The following TOP6BL variants were observed in gnomAD, a reference collection of about 807,000 sequenced individuals.
The protein encoded by TOP6BL is TOP6B like initiator of meiotic double strand breaks.
the TOP6BL span, among the ~76,000 whole-genome samples, chr11:66,769,782 C>T: frequency 6.6e-6 from 1 of 151,406 alleles, no homozygotes; most frequent in Non-Finnish European, 1.5e-5. Flanking sequence ...ACTCTGTCGC[C>T]CAGGCTGGAG....
At chr11:66,821,385 T>C in the TOP6BL span, among the ~76,000 whole-genome samples, 3 of 151,720 alleles carry the variant, frequency 2.0e-5, no homozygotes, top group Non-Finnish European at 4.4e-5. Flanking sequence ...CCTCCCGGGT[T>C]CACGCCATTC....
At chr11:66,744,821 G>GCGGCGA in the TOP6BL span, 2 of 1,064,532 alleles carry the variant, frequency 1.9e-6, no homozygotes, top group Admixed American at 3.6e-5. Flanking sequence ...TGAGGAGGGG[G>GCGGCGA]CGGCGGCGGC....
the TOP6BL span, among the ~76,000 whole-genome samples, chr11:66,751,632 C>T: frequency 6.6e-6 from 1 of 151,918 alleles, no homozygotes; most frequent in Non-Finnish European, 1.5e-5. Flanking sequence ...CCATTGTGCT[C>T]AGCCCTAAAT....
the TOP6BL span, among the ~76,000 whole-genome samples, chr11:66,840,976 C>T: frequency 6.6e-6 from 1 of 152,174 alleles, no homozygotes; most frequent in Non-Finnish European, 1.5e-5. Flanking sequence ...TTCATTTGCT[C>T]ACTAGGCAGC....
At chr11:66,797,242 C>T in the TOP6BL span, among the ~76,000 whole-genome samples, 4 of 151,778 alleles carry the variant, frequency 2.6e-5, no homozygotes, top group African/African-American at 9.7e-5. Context: ...TCAGGTGATC[C>T]ACACACCTCA....
At chr11:66,745,064 G>A in the TOP6BL span, 1 of 850,574 alleles carries the variant, frequency 1.2e-6, no homozygotes, top group Non-Finnish European at 1.6e-6. Flanking sequence ...CTCCCACGGG[G>A]AAGCGAGGAA....
At chr11:66,783,623 C>A in the TOP6BL span, among the ~76,000 whole-genome samples, 61 of 151,584 alleles carry the variant, frequency 4.0e-4, 1 homozygote, top group African/African-American at 1.3e-3. Flanking sequence ...CTTGTTTTTT[C>A]GAAATTTAGC....
the TOP6BL span, among the ~76,000 whole-genome samples, chr11:66,838,164 G>A: frequency 6.6e-6 from 1 of 152,178 alleles, no homozygotes; most frequent in Non-Finnish European, 1.5e-5. Context: ...TGCCGTGAAT[G>A]GCCAGAGTGG....
At chr11:66,825,873 G>A in the TOP6BL span, among the ~76,000 whole-genome samples, 4 of 148,092 alleles carry the variant, frequency 2.7e-5, no homozygotes, top group South Asian at 2.1e-4. Flanking sequence ...ACAGTGTCTC[G>A]CTCTGTCGCC....
At chr11:66,801,792 C>T in the TOP6BL span, among the ~76,000 whole-genome samples, 2 of 152,112 alleles carry the variant, frequency 1.3e-5, no homozygotes, top group African/African-American at 2.4e-5. Flanking sequence ...GCCGAGATCA[C>T]GCCACTGCAC....
chr11:66,753,582 A>G, the TOP6BL span, among the ~76,000 whole-genome samples: 4 of 143,238 alleles, frequency 2.8e-5, no homozygotes, highest in African/African-American at 1.0e-4. Context: ...AATTTTTTGT[A>G]TTTTTAGTAG....
the TOP6BL span, among the ~76,000 whole-genome samples, chr11:66,765,101 T>C: frequency 6.6e-6 from 1 of 152,236 alleles, no homozygotes; most frequent in African/African-American, 2.4e-5. Flanking sequence ...GCTACTTGTT[T>C]GACTAATATT....
At chr11:66,759,859 G>A in the TOP6BL span, among the ~76,000 whole-genome samples, 1 of 152,108 alleles carries the variant, frequency 6.6e-6, no homozygotes, top group African/African-American at 2.4e-5. Context: ...CTGGATTACA[G>A]GTGTGAGCCA....
chr11:66,817,936 ATAAAT>A, the TOP6BL span, among the ~76,000 whole-genome samples: 2 of 152,228 alleles, frequency 1.3e-5, no homozygotes, highest in East Asian at 1.9e-4. Flanking sequence ...ACCCTGGGAC[ATAAAT>A]TTAAGTGTTT....
the TOP6BL span, among the ~76,000 whole-genome samples, chr11:66,778,135 C>G: frequency 5.4e-5 from 8 of 149,336 alleles, no homozygotes; most frequent in African/African-American, 9.9e-5. Flanking sequence ...CTCCTGGGCT[C>G]AAGTGATTCT....
chr11:66,755,099 C>T, the TOP6BL span, among the ~76,000 whole-genome samples: 4 of 150,962 alleles, frequency 2.6e-5, no homozygotes, highest in South Asian at 2.1e-4. Flanking sequence ...TCCTACTAGT[C>T]GTTCTGCTTT....
At chr11:66,815,295 G>C in the TOP6BL span, among the ~76,000 whole-genome samples, 1 of 152,118 alleles carries the variant, frequency 6.6e-6, no homozygotes, top group Non-Finnish European at 1.5e-5. Flanking sequence ...AATGAATAAC[G>C]TAGGAAATGT....
the TOP6BL span, among the ~76,000 whole-genome samples, chr11:66,761,033 G>A: frequency 1.9e-5 from 2 of 103,178 alleles, no homozygotes; most frequent in East Asian, 5.0e-4. Flanking sequence ...CCATTTTATT[G>A]TCTATCATGT....
the TOP6BL span, among the ~76,000 whole-genome samples, chr11:66,836,793 C>T: frequency 6.7e-5 from 10 of 150,356 alleles, 1 homozygote; most frequent in Non-Finnish European, 8.9e-5. Context: ...CTCTACCTCC[C>T]GGGTTCAAGT....
Sources: gnomAD v4.1 joint callset for allele counts (sites outside exome capture counted in the v4.1 genomes callset) on GRCh38, gnomAD v4.1.1 for gene constraint, MANE v1.5 for transcripts, NCBI Gene and HGNC (gene_info 2026-07-23, HGNC 2026-07-21) for gene names.